The following CLIC2 variants were observed in gnomAD, a reference collection of about 807,000 sequenced individuals.
The protein encoded by CLIC2 is CLIC family member 2.
A neutral mutation model predicts 14.8 loss-of-function variants in CLIC2; 9 were observed. That is an observed-to-expected ratio of 0.61 (90% CI 0.37 to 1.06). The LOEUF is 1.06. Ranked by LOEUF, CLIC2 falls within the 50% of genes least tolerant of loss-of-function variation. The probability of loss-of-function intolerance (pLI) is 0.01; values close to 1 mark genes in which losing one functional copy is unlikely to be tolerated. For missense variants in CLIC2, 148 were observed against 181.4 expected (o/e 0.82, Z 1.06); for synonymous variants, 61 against 66.3 (o/e 0.92, Z 0.39).
chrX:155,310,094 T>C (rs181820473), intron 1 of CLIC2, among the ~76,000 whole-genome samples: 8 of 111,377 alleles, frequency 7.2e-5, no homozygotes, highest in Admixed American at 4.7e-4. Flanking sequence ...ATGGGAGAAA[T>C]TGGCCAAAAC....
At chrX:155,305,277 T>C (rs1476161696) in intron 1 of CLIC2, among the ~76,000 whole-genome samples, 1 of 112,078 alleles carries the variant, frequency 8.9e-6, no homozygotes. Flanking sequence ...GGATATGTGG[T>C]GCGCCGTTTT....
chrX:155,310,326 T>A (rs782408492), intron 1 of CLIC2: 18 of 176,669 alleles, frequency 1.0e-4, no homozygotes, highest in African/African-American at 5.6e-4. Context: ...TAGTGCCAGG[T>A]CAGGAAGCCT....
At chrX:155,282,984 C>T (rs2074925657) in intron 3 of CLIC2, among the ~76,000 whole-genome samples, 1 of 111,496 alleles carries the variant, frequency 9.0e-6, no homozygotes, top group African/African-American at 3.3e-5. Context: ...TTCAGGCTGG[C>T]CCATTCAAGC....
intron 1 of CLIC2, among the ~76,000 whole-genome samples, chrX:155,326,179 A>G (rs2075137288): frequency 9.0e-6 from 1 of 110,699 alleles, no homozygotes; most frequent in African/African-American, 3.3e-5. Flanking sequence ...AAAATAAATA[A>G]TTCTTTTTAA....
intron 3 of CLIC2, among the ~76,000 whole-genome samples, chrX:155,297,884 A>AAAAAAAAAAAAAAAAAAAAG (rs1557318527): frequency 0.055 from 2,491 of 45,138 alleles, 863 homozygotes; most frequent in Non-Finnish European, 0.097. Flanking sequence ...AAAAAAAAAA[A>AAAAAAAAAAAAAAAAAAAAG]AAGAAGGTGA....
chrX:155,310,245 T>A, intron 1 of CLIC2: 1 of 134,963 alleles, frequency 7.4e-6, no homozygotes, highest in Non-Finnish European at 1.5e-5. Context: ...TGTCTTGGGT[T>A]TATAAGGTTT....
At chrX:155,290,373 AT>A (rs2074959927) in intron 3 of CLIC2, 2 of 442,309 alleles carry the variant, frequency 4.5e-6, no homozygotes, top group Admixed American at 6.8e-5. Flanking sequence ...TAGTAGCTTC[AT>A]TTTCCGCTGG....
chrX:155,322,290 T>A (rs1318896292), intron 1 of CLIC2, among the ~76,000 whole-genome samples: 4 of 111,680 alleles, frequency 3.6e-5, no homozygotes, highest in Non-Finnish European at 7.5e-5. Flanking sequence ...ATTCTAAAAT[T>A]GACCACATAA....
rs977020109 is a variant in CLIC2, at chrX:155,277,351, C to A, written c.*552G>T. On this transcript the variant is annotated 3_prime_UTR_variant, in exon 6 of 6. Coordinates refer to ENST00000369449, the MANE Select transcript of CLIC2 (RefSeq NM_001289.6). ...ACCATGAGGTGGTCATAGTTCTAGG[C>A]GTCAAATGCTGTTCTATGACCAATT... 9.0e-6 allele frequency: 1 copy of A among 111,583 alleles called. No homozygotes were observed. Among genetic ancestry groups the A allele is most frequent in the African/African-American group, 3.3e-5 (1 of 30,676 alleles). 9.2% of individuals were successfully genotyped at this position (111,583 alleles called of 1,213,427 possible).
intron 3 of CLIC2, among the ~76,000 whole-genome samples, chrX:155,294,382 C>A (rs961463826): frequency 2.7e-5 from 3 of 111,019 alleles, no homozygotes; most frequent in Non-Finnish European, 3.8e-5. Flanking sequence ...CATACATAAA[C>A]CTGTGGGATA....
chrX:155,315,459 C>T lies in CLIC2; in HGVS notation c.58-16314G>A, dbSNP rs145153838. On this transcript the variant is annotated intron_variant, in intron 1 of 5. Coordinates refer to ENST00000369449, the MANE Select transcript of CLIC2 (RefSeq NM_001289.6). Reference sequence around the variant, plus strand: ...AAGGAATTGGGGTCCTATTTTTAGCCTCCTTAAACAAAACAATTATCACCC... The same window carrying T: ...AAGGAATTGGGGTCCTATTTTTAGCTTCCTTAAACAAAACAATTATCACCC... 6.8e-3 allele frequency among the ~76,000 whole-genome samples: 761 copies of T among 111,605 alleles called. 7 individuals carry two copies. The highest frequency in any genetic ancestry group is 0.023 in the African/African-American group (721 of 30,731).
chrX:155,333,840 G>T (rs2075165267), intron 1 of CLIC2, among the ~76,000 whole-genome samples: 2 of 109,475 alleles, frequency 1.8e-5, no homozygotes, highest in Admixed American at 9.7e-5. Flanking sequence ...TTTTCTCCCA[G>T]TGTCCATGTG....
At chrX:155,288,114 T>G (rs782483040) in intron 3 of CLIC2, among the ~76,000 whole-genome samples, 2 of 112,012 alleles carry the variant, frequency 1.8e-5, no homozygotes, top group African/African-American at 6.5e-5. Flanking sequence ...ATCCTGAAAC[T>G]TTGCCAAAGT....
At chrX:155,282,167 G>T (rs1305150381) in intron 3 of CLIC2, among the ~76,000 whole-genome samples, 1 of 111,594 alleles carries the variant, frequency 9.0e-6, no homozygotes, top group Non-Finnish European at 1.9e-5. Context: ...CGTAGGTGAG[G>T]GGGACACATG....
At chrX:155,333,436 A>G (rs782790860) in intron 1 of CLIC2, among the ~76,000 whole-genome samples, 2 of 111,004 alleles carry the variant, frequency 1.8e-5, no homozygotes, top group African/African-American at 6.5e-5. Context: ...ATAACAACCT[A>G]TCTCCTAAGT....
intron 1 of CLIC2, among the ~76,000 whole-genome samples, chrX:155,305,016 G>T (rs782704825): frequency 9.0e-6 from 1 of 111,195 alleles, no homozygotes; most frequent in African/African-American, 3.3e-5. Flanking sequence ...GTCGGCAGAG[G>T]TTACTGCTGT....
intron 3 of CLIC2, among the ~76,000 whole-genome samples, chrX:155,285,584 T>C (rs983901401): frequency 1.8e-5 from 2 of 111,274 alleles, no homozygotes; most frequent in Admixed American, 1.9e-4. Context: ...GAGCTGTAAA[T>C]GGAAATTTTT....
intron 3 of CLIC2, among the ~76,000 whole-genome samples, chrX:155,282,806 C>T (rs1463082201): frequency 8.9e-6 from 1 of 111,800 alleles, no homozygotes; most frequent in Non-Finnish European, 1.9e-5. Context: ...CCAGGCTGGC[C>T]TTCACACTCC....
At chrX:155,285,563 C>G (rs1025290423) in intron 3 of CLIC2, among the ~76,000 whole-genome samples, 1 of 111,379 alleles carries the variant, frequency 9.0e-6, no homozygotes, top group South Asian at 3.8e-4. Flanking sequence ...CATGAATTAC[C>G]TCTGGACAAT....
Sources: gnomAD v4.1 joint callset for allele counts (sites outside exome capture counted in the v4.1 genomes callset) on GRCh38, gnomAD v4.1.1 for gene constraint, MANE v1.5 for transcripts, NCBI Gene and HGNC (gene_info 2026-07-23, HGNC 2026-07-21) for gene names.